The following PXDNL variants were observed in gnomAD, a reference collection of about 807,000 sequenced individuals.
PXDNL encodes the protein probable oxidoreductase PXDNL.
In PXDNL, 145 loss-of-function variants were observed where a neutral mutation model predicts 150.8. The observed-to-expected ratio is 0.96, with a 90% CI of 0.84 to 1.10. The LOEUF (loss-of-function observed/expected upper bound fraction) is 1.10, where lower values mean the gene tolerates loss of function less well. PXDNL is among the 50% of genes least tolerant of loss of function. PXDNL has a pLI of 0.00. For missense variants in PXDNL, 2,087 were observed against 1,873.9 expected, an observed-to-expected ratio of 1.11 and a Z score of -2.10; for synonymous variants, 757 against 725.7, an observed-to-expected ratio of 1.04 and a Z score of -0.69.
intron 1 of PXDNL, among the ~76,000 whole-genome samples, chr8:51,767,782 CTT>C (rs2037247813): frequency 6.6e-6 from 1 of 152,208 alleles, no homozygotes; most frequent in Admixed American, 6.5e-5. Flanking sequence ...TGGCCGTCCT[CTT>C]GTTTGCCCTA....
At chr8:51,355,235 A>G (rs1236121397) in intron 19 of PXDNL, among the ~76,000 whole-genome samples, 1 of 152,234 alleles carries the variant, frequency 6.6e-6, no homozygotes. Flanking sequence ...CGATGGTAAT[A>G]AAATTAGTCT....
intron 2 of PXDNL, among the ~76,000 whole-genome samples, chr8:51,617,271 A>G (rs1219089012): frequency 6.6e-6 from 1 of 152,252 alleles, no homozygotes; most frequent in Non-Finnish European, 1.5e-5. Flanking sequence ...AAATTAGTTG[A>G]CATTAAAAGA....
chr8:51,560,946 A>C (rs1812704434), intron 3 of PXDNL, among the ~76,000 whole-genome samples: 1 of 151,978 alleles, frequency 6.6e-6, no homozygotes, highest in South Asian at 2.1e-4. Flanking sequence ...AACCAAAAAA[A>C]AAAACCATTT....
chr8:51,622,816 C>T (rs1461878482), intron 2 of PXDNL, among the ~76,000 whole-genome samples: 2 of 152,324 alleles, frequency 1.3e-5, no homozygotes, highest in African/African-American at 4.8e-5. Context: ...AAGGCACCTA[C>T]CCTGGGCCCA....
chr8:51,320,990 G>T, intron 21 of PXDNL, 93 bp from the exon 22 acceptor site: 1 of 914,218 alleles, frequency 1.1e-6, no homozygotes, highest in Non-Finnish European at 1.8e-6. Context: ...GCTCTATTCT[G>T]TAAGCACACA....
At chr8:51,414,171 C>T (rs979344060) in intron 14 of PXDNL, among the ~76,000 whole-genome samples, 2 of 151,402 alleles carry the variant, frequency 1.3e-5, no homozygotes, top group Non-Finnish European at 2.9e-5. Context: ...CTAATATAAG[C>T]TTAAGTCAAG....
intron 1 of PXDNL, among the ~76,000 whole-genome samples, chr8:51,802,804 T>C (rs1040994753): frequency 1.3e-5 from 2 of 152,226 alleles, no homozygotes; most frequent in South Asian, 2.1e-4. Flanking sequence ...TTGAACTTCA[T>C]GGCAGAATGG....
chr8:51,361,331 T>A (rs1020410607), intron 19 of PXDNL, among the ~76,000 whole-genome samples: 3 of 152,192 alleles, frequency 2.0e-5, no homozygotes, highest in Non-Finnish European at 4.4e-5. Context: ...GCAGAAGGTA[T>A]AAATTTCAGC....
chr8:51,539,259 TA>T (rs1812159107), intron 4 of PXDNL, among the ~76,000 whole-genome samples: 1 of 152,110 alleles, frequency 6.6e-6, no homozygotes, highest in Non-Finnish European at 1.5e-5. Flanking sequence ...GTTAATATAA[TA>T]AATTACATTT....
chr8:51,448,972 C>T, intron 11 of PXDNL, 30 bp downstream of exon 11: 1 of 1,170,530 alleles, frequency 8.5e-7, no homozygotes, highest in Non-Finnish European at 1.3e-6. Context: ...ACTTATTTTT[C>T]CCCACAATTA....
chr8:51,325,255 G>T (rs1158236860), intron 21 of PXDNL, among the ~76,000 whole-genome samples: 1 of 152,140 alleles, frequency 6.6e-6, no homozygotes, highest in Non-Finnish European at 1.5e-5. Flanking sequence ...GGATCTTCTT[G>T]GTTCTTGGTA....
intron 1 of PXDNL, among the ~76,000 whole-genome samples, chr8:51,656,266 T>C (rs1340917559): frequency 1.3e-5 from 2 of 152,224 alleles, no homozygotes; most frequent in Non-Finnish European, 2.9e-5. Context: ...ACTTCATCTT[T>C]CTCTAGACTT....
At chr8:51,327,627 G>T (rs1805553689) in intron 21 of PXDNL, among the ~76,000 whole-genome samples, 1 of 152,180 alleles carries the variant, frequency 6.6e-6, no homozygotes, top group African/African-American at 2.4e-5. Flanking sequence ...TTTTATGCAA[G>T]AGCATGGCCC....
At chr8:51,744,156 GA>G (rs2036946518) in intron 1 of PXDNL, among the ~76,000 whole-genome samples, 1 of 139,562 alleles carries the variant, frequency 7.2e-6, no homozygotes, top group South Asian at 2.5e-4. Flanking sequence ...AGGGAGGGAG[GA>G]AGGAAGGAAA....
At chr8:51,540,504 T>C (rs1475021782) in intron 4 of PXDNL, among the ~76,000 whole-genome samples, 4 of 152,198 alleles carry the variant, frequency 2.6e-5, no homozygotes, top group African/African-American at 9.7e-5. Context: ...ACTTAATAGG[T>C]CTAAATATTT....
In PXDNL at chr8:51,393,788, TG is replaced by T. The variant is rs1480365080; in HGVS notation, c.3557+14278del. 3.3e-5 allele frequency among the ~76,000 whole-genome samples: 5 copies of T among 152,308 alleles called. No homozygotes were observed. In the East Asian group the frequency reaches 9.7e-4, roughly 29 times the overall value. ...AAGAAGGGGCCCCAGCGAAGGAGTG[TG>T]GGCAGCCTCTAGAAGGGGGAAAGAC... On this transcript the variant is annotated intron_variant, in intron 17 of 22. Coordinates refer to ENST00000356297, the MANE Select transcript of PXDNL (RefSeq NM_144651.5).
intron 2 of PXDNL, among the ~76,000 whole-genome samples, chr8:51,608,394 A>G (rs1192116533): frequency 6.8e-6 from 1 of 145,998 alleles, no homozygotes; most frequent in East Asian, 2.0e-4. Context: ...GTCAAAAAAA[A>G]AAAAAAAAAG....
At chr8:51,511,745 T>G (rs891540678) in intron 4 of PXDNL, among the ~76,000 whole-genome samples, 8 of 152,086 alleles carry the variant, frequency 5.3e-5, no homozygotes, top group African/African-American at 1.9e-4. Flanking sequence ...CCCCCCTTTC[T>G]AGGGAGAAGT....
At chr8:51,421,492 G>A (rs1463932659) in intron 14 of PXDNL, among the ~76,000 whole-genome samples, 7 of 152,164 alleles carry the variant, frequency 4.6e-5, no homozygotes, top group South Asian at 2.1e-4. Flanking sequence ...CTGAGGTCAG[G>A]AGTTCAAGAC....
Sources: allele counts gnomAD v4.1 joint callset (sites outside exome capture counted in the v4.1 genomes callset), GRCh38; gene constraint gnomAD v4.1.1; transcripts MANE v1.5; gene names NCBI Gene and HGNC (gene_info 2026-07-23, HGNC 2026-07-21).